The following OSBP2 variants were observed in gnomAD, a reference collection of about 807,000 sequenced individuals.
The protein encoded by OSBP2 is oxysterol binding protein 2.
OSBP2 carries 66 observed loss-of-function variants against 96.0 expected under a neutral mutation model. The observed-to-expected ratio is 0.69, with a 90% CI of 0.56 to 0.84. The LOEUF (loss-of-function observed/expected upper bound fraction) is 0.84, where lower values mean the gene tolerates loss of function less well. Ranked by LOEUF, OSBP2 falls within the 40% of genes least tolerant of loss-of-function variation. The pLI is 0.00. For missense variants in OSBP2, 1,038 were observed against 1,222.7 expected, an observed-to-expected ratio of 0.85 and a Z score of 2.25; for synonymous variants, 525 against 520.9, an observed-to-expected ratio of 1.01 and a Z score of -0.11.
At chr22:30,831,431 A>G (rs913292734) in intron 2 of OSBP2, among the ~76,000 whole-genome samples, 1 of 152,144 alleles carries the variant, frequency 6.6e-6, no homozygotes, top group African/African-American at 2.4e-5. Context: ...AAGTTGGTTT[A>G]TGTTGTACGT....
At chr22:30,724,450 A>G (rs2089608053) in intron 1 of OSBP2, among the ~76,000 whole-genome samples, 1 of 152,014 alleles carries the variant, frequency 6.6e-6, no homozygotes, top group African/African-American at 2.4e-5. Context: ...CCAACTCCTG[A>G]CCTTAGGTGA....
intron 1 of OSBP2, among the ~76,000 whole-genome samples, chr22:30,715,163 C>G (rs1410247119): frequency 1.3e-5 from 2 of 151,936 alleles, no homozygotes; most frequent in African/African-American, 4.8e-5. Flanking sequence ...TCCCAAAGTG[C>G]TGAGATTACA....
At chr22:30,834,744 G>A (rs2038596955) in intron 2 of OSBP2, among the ~76,000 whole-genome samples, 1 of 151,418 alleles carries the variant, frequency 6.6e-6, no homozygotes, top group Non-Finnish European at 1.5e-5. Context: ...CTGGATACAA[G>A]TCCCTTATCA....
At chr22:30,776,646 A>G (rs1180587014) in intron 2 of OSBP2, among the ~76,000 whole-genome samples, 1 of 151,662 alleles carries the variant, frequency 6.6e-6, no homozygotes, top group East Asian at 1.9e-4. Flanking sequence ...TCCTAAGGGT[A>G]AATTCTTAGA....
intron 2 of OSBP2, among the ~76,000 whole-genome samples, chr22:30,758,105 A>G (rs529028872): frequency 2.0e-5 from 3 of 152,296 alleles, no homozygotes; most frequent in East Asian, 3.9e-4. Flanking sequence ...CTCTGCAGCT[A>G]TGAAACATGG....
In OSBP2 at chr22:30,893,137, C is replaced by T. The variant is rs768739585; in HGVS notation, c.1885C>T (p.Pro629Ser). The change falls in exon 9 of 14, where the codon CCC (proline) becomes TCC (serine). Residue 629 changes from proline to serine, a missense_variant. By Grantham distance (74) the Pro-to-Ser change is moderately conservative. Coordinates refer to ENST00000332585, the MANE Select transcript of OSBP2 (RefSeq NM_030758.4). ...CTGGTCTCAGGTGAGCCACCACCCC[C>T]CCTCAGCTGCGCACTACGTGTTCTC... ...SLCEQVSHHP[P>S]SAAHYVFSKH... The T allele has an allele frequency of 1.9e-6, 3 of 1,614,070 alleles. No homozygotes were observed. The highest frequency in any genetic ancestry group is 3.3e-5 in the Admixed American group (2 of 60,022).
chr22:30,822,825 C>T (rs1365919253), intron 2 of OSBP2: 1 of 873,400 alleles, frequency 1.1e-6, no homozygotes, highest in Non-Finnish European at 1.6e-6. Context: ...CACTCCCTCG[C>T]GGCGTGGGGA....
chr22:30,820,014 T>G (rs8137387), intron 2 of OSBP2, among the ~76,000 whole-genome samples: 4,296 of 152,332 alleles, frequency 0.028, 226 homozygotes, highest in African/African-American at 0.1. Context: ...TTTGGTTGGA[T>G]TTATTCTTGC....
intron 3 of OSBP2, among the ~76,000 whole-genome samples, chr22:30,884,166 T>C (rs1479369697): frequency 6.6e-6 from 1 of 152,154 alleles, no homozygotes; most frequent in Non-Finnish European, 1.5e-5. Context: ...CTGGACTCAG[T>C]CTCACACATC....
At chr22:30,790,687 T>A (rs1217656721) in intron 2 of OSBP2, among the ~76,000 whole-genome samples, 1 of 150,272 alleles carries the variant, frequency 6.7e-6, no homozygotes, top group African/African-American at 2.5e-5. Flanking sequence ...GCATACTTTA[T>A]AGGTTAAAGG....
At chr22:30,828,457 A>G (rs763375729) in intron 2 of OSBP2, among the ~76,000 whole-genome samples, 4 of 152,326 alleles carry the variant, frequency 2.6e-5, no homozygotes, top group South Asian at 4.1e-4. Context: ...GAGGACTGGC[A>G]TGGCCCTGGC....
chr22:30,832,137 C>A (rs1010186394), intron 2 of OSBP2, among the ~76,000 whole-genome samples: 8 of 152,128 alleles, frequency 5.3e-5, no homozygotes, highest in Admixed American at 3.3e-4. Flanking sequence ...GCCTACTTCA[C>A]TCCCACCATC....
Position 30,858,474 on chromosome 22 carries a change from T to C in OSBP2, c.854-11955T>C, listed in dbSNP as rs575720457. Among the ~76,000 whole-genome samples, 3 of 151,956 alleles carry C rather than the reference T, an allele frequency of 2.0e-5. No homozygotes were observed. The South Asian group carries it at 6.2e-4, about 32-fold the overall frequency. ...CTTTGTTTTTTATTCCTTTATTAGC[T>C]CAAGAGGCAGGGGCAGCAGAAAGAA... is the stretch of plus-strand genomic sequence containing the variant. On this transcript the variant is annotated intron_variant, in intron 2 of 13. Transcript: ENST00000332585.
At chr22:30,895,936 C>A (rs2040056055) in intron 12 of OSBP2, among the ~76,000 whole-genome samples, 1 of 149,096 alleles carries the variant, frequency 6.7e-6, no homozygotes, top group Admixed American at 6.7e-5. Context: ...AAAATGAAAA[C>A]AGTATTGGAC....
intron 2 of OSBP2, among the ~76,000 whole-genome samples, chr22:30,804,510 G>A (rs1163858210): frequency 6.6e-6 from 1 of 152,142 alleles, no homozygotes; most frequent in Admixed American, 6.5e-5. Context: ...CTGGTTTTAG[G>A]GTCAGTATGA....
intron 2 of OSBP2, among the ~76,000 whole-genome samples, chr22:30,787,360 T>G (rs2090605864): frequency 6.6e-6 from 1 of 151,970 alleles, no homozygotes; most frequent in South Asian, 2.1e-4. Context: ...GATCTCGTGA[T>G]AACTTACTAT....
intron 2 of OSBP2, among the ~76,000 whole-genome samples, chr22:30,768,521 A>G (rs561036732): frequency 2.0e-5 from 3 of 152,126 alleles, no homozygotes; most frequent in African/African-American, 7.2e-5. Flanking sequence ...TACTAAAACT[A>G]TAAAAGTTAT....
intron 2 of OSBP2, among the ~76,000 whole-genome samples, chr22:30,770,363 T>G (rs2090331734): frequency 6.6e-6 from 1 of 152,070 alleles, no homozygotes; most frequent in African/African-American, 2.4e-5. Flanking sequence ...CCCAAAGTGC[T>G]GGGATTACTG....
intron 1 of OSBP2, among the ~76,000 whole-genome samples, chr22:30,696,785 T>C (rs1241238534): frequency 6.6e-6 from 1 of 151,856 alleles, no homozygotes; most frequent in Non-Finnish European, 1.5e-5. Flanking sequence ...TCCTGAGTAG[T>C]TGGGATTACA....
Sources: allele counts gnomAD v4.1 joint callset (sites outside exome capture counted in the v4.1 genomes callset), GRCh38; gene constraint gnomAD v4.1.1; transcripts MANE v1.5; gene names NCBI Gene and HGNC (gene_info 2026-07-23, HGNC 2026-07-21).